Variants in TMED3 observed in about 807,000 individuals in gnomAD.
TMED3 encodes transmembrane emp24 domain-containing protein 3.
In TMED3, 9 loss-of-function variants were observed where a neutral mutation model predicts 15.0. The ratio of observed to expected loss-of-function variants is 0.60; its 90% CI spans 0.36 to 1.04. The LOEUF is 1.04. Among genes scored for constraint, TMED3 ranks in the 50% least tolerant of loss-of-function variants. The pLI is 0.01. For missense variants in TMED3, 267 were observed against 278.9 expected (o/e 0.96, Z 0.30); for synonymous variants, 117 against 121.4 (o/e 0.96, Z 0.24).
downstream of TMED3, among the ~76,000 whole-genome samples, chr15:79,323,041 C>G (rs373731800): frequency 6.0e-4 from 92 of 152,286 alleles, 2 homozygotes; most frequent in African/African-American, 1.9e-3. Flanking sequence ...CTCGCATGCT[C>G]ACACCATGTT....
At chr15:79,356,674 G>T (rs2058920464) in intron 2 of TMED3, among the ~76,000 whole-genome samples, 1 of 152,192 alleles carries the variant, frequency 6.6e-6, no homozygotes, top group African/African-American at 2.4e-5. Flanking sequence ...GGAGGTCTAC[G>T]CAAGGGGGTC....
At chr15:79,369,491 A>T (rs998956664) in intron 2 of TMED3, among the ~76,000 whole-genome samples, 2 of 152,184 alleles carry the variant, frequency 1.3e-5, no homozygotes, top group African/African-American at 2.4e-5. Flanking sequence ...TAAAGGTGGG[A>T]TGCCTGTGCT....
In TMED3 at chr15:79,376,092, G is replaced by GTTTT. The variant is rs199728545; in HGVS notation, c.418-35276_418-35273dup. ...CTTACTTCATCTATTCTAGAGAAAG[G>GTTTT]TTTTTTTTTTTTTTTTTTTTTTTTT... On this transcript the variant is annotated intron_variant, in intron 2 of 2. Coordinates refer to the TMED3 transcript ENST00000424155. 1.4e-3 allele frequency among the ~76,000 whole-genome samples: 161 copies of GTTTT among 112,056 alleles called. 9 individuals are homozygous for GTTTT. The highest frequency in any genetic ancestry group is 1.7e-3 in the African/African-American group (47 of 27,480). 73.5% of individuals were successfully genotyped at this position (112,056 alleles called of 152,430 possible). A position where few individuals can be genotyped will look rare whatever the true frequency, so the allele number is the denominator to read the frequency against.
At chr15:79,336,588 A>T (rs1247372862) in intron 2 of TMED3, among the ~76,000 whole-genome samples, 1 of 151,928 alleles carries the variant, frequency 6.6e-6, no homozygotes, top group African/African-American at 2.4e-5. Flanking sequence ...AACCCAGGAG[A>T]TGGAGGTTGC....
intron 2 of TMED3, among the ~76,000 whole-genome samples, chr15:79,334,653 A>T (rs1281165762): frequency 6.6e-6 from 1 of 152,240 alleles, no homozygotes; most frequent in Non-Finnish European, 1.5e-5. Context: ...GACCTGGATC[A>T]CAAAAGGAAA....
chr15:79,381,888 C>T (rs887303627), intron 2 of TMED3, among the ~76,000 whole-genome samples: 1 of 152,318 alleles, frequency 6.6e-6, no homozygotes, highest in South Asian at 2.1e-4. Context: ...TTAATGCTGT[C>T]AGAAGTATCC....
intron 2 of TMED3, among the ~76,000 whole-genome samples, chr15:79,395,985 A>T (rs1300514245): frequency 6.6e-6 from 1 of 152,198 alleles, no homozygotes; most frequent in African/African-American, 2.4e-5. Context: ...TATTTTTTCT[A>T]GTGTTCCTTT....
rs141537527 is a variant in TMED3 at position 79,337,592 on chromosome 15, A to C, written c.417+23587A>C. ...ATTCTACTAGAACCACTATTTTGTC[A>C]AGACTAGGTGCATTTCGTAGCTTGA... On this transcript the variant is annotated intron_variant, in intron 2 of 2. Transcript: ENST00000424155. 1.2e-4 allele frequency among the ~76,000 whole-genome samples: 19 copies of C among 152,316 alleles called. No homozygotes were observed. The East Asian group carries it at 3.3e-3, about 26-fold the overall frequency.
chr15:79,358,706 A>G (rs1164426857), intron 2 of TMED3, among the ~76,000 whole-genome samples: 1 of 152,226 alleles, frequency 6.6e-6, no homozygotes, highest in Admixed American at 6.5e-5. Context: ...AATACTTTCT[A>G]AGACCCCAAC....
chr15:79,314,614 C>G (rs2058732761), intron 2 of TMED3: 1 of 452,348 alleles, frequency 2.2e-6, no homozygotes, highest in African/African-American at 2.0e-5. Flanking sequence ...CTTAAAAGCC[C>G]AGGCCCAGTG....
intron 2 of TMED3, among the ~76,000 whole-genome samples, chr15:79,351,827 G>A (rs1206627010): frequency 6.6e-6 from 1 of 152,094 alleles, no homozygotes; most frequent in Non-Finnish European, 1.5e-5. Context: ...ACCAGCCCAA[G>A]TGCCTCTCAA....
intron 2 of TMED3, among the ~76,000 whole-genome samples, chr15:79,380,382 A>G (rs1018606938): frequency 6.7e-6 from 1 of 148,856 alleles, no homozygotes; most frequent in African/African-American, 2.5e-5. Context: ...TTATACACAT[A>G]TATATATAAA....
At chr15:79,381,729 A>G (rs1174508683) in intron 2 of TMED3, among the ~76,000 whole-genome samples, 1 of 152,188 alleles carries the variant, frequency 6.6e-6, no homozygotes, top group East Asian at 1.9e-4. Flanking sequence ...GGTGATAAAC[A>G]GTTGCATTTG....
downstream of TMED3, among the ~76,000 whole-genome samples, chr15:79,326,235 A>C (rs1268894912): frequency 1.3e-5 from 2 of 152,232 alleles, no homozygotes; most frequent in African/African-American, 4.8e-5. Context: ...CAGTAATCCA[A>C]AAGGATATGC....
intron 2 of TMED3, among the ~76,000 whole-genome samples, chr15:79,352,884 T>G (rs1000883953): frequency 2.4e-5 from 3 of 122,630 alleles, no homozygotes; most frequent in Non-Finnish European, 4.8e-5. Flanking sequence ...AAAATATACA[T>G]ATAATATATA....
chr15:79,361,779 CTAAAT>C (rs1893131953), intron 2 of TMED3, among the ~76,000 whole-genome samples: 1 of 151,924 alleles, frequency 6.6e-6, no homozygotes, highest in African/African-American at 2.4e-5. Context: ...CAAATAATTA[CTAAAT>C]TAATGACCTG....
intron 2 of TMED3, among the ~76,000 whole-genome samples, chr15:79,350,005 G>A (rs1252633044): frequency 6.6e-6 from 1 of 152,066 alleles, no homozygotes; most frequent in Non-Finnish European, 1.5e-5. Flanking sequence ...TTTGTTTTCT[G>A]TTTCCTTCCA....
chr15:79,320,090 C>T (rs1467801600), intron 2 of TMED3, among the ~76,000 whole-genome samples: 1 of 152,142 alleles, frequency 6.6e-6, no homozygotes, highest in Admixed American at 6.5e-5. Flanking sequence ...TGCTAAGTAG[C>T]GGGTGTTTTT....
chr15:79,391,074 C>G (rs1221912115), intron 2 of TMED3, among the ~76,000 whole-genome samples: 1 of 150,258 alleles, frequency 6.7e-6, no homozygotes, highest in Non-Finnish European at 1.5e-5. Flanking sequence ...TTTTTCATTT[C>G]AATTTCATTT....
Sources: allele counts gnomAD v4.1 joint callset (sites outside exome capture counted in the v4.1 genomes callset), GRCh38; gene constraint gnomAD v4.1.1; transcripts MANE v1.5; gene names NCBI Gene and HGNC (gene_info 2026-07-23, HGNC 2026-07-21).